SEMA4A: variants seen among roughly 807,000 people sequenced by gnomAD.
SEMA4A encodes semaphorin 4A.
Under a neutral mutation model 72.5 loss-of-function variants are expected in SEMA4A, and 52 were observed. The observed-to-expected ratio is 0.72, with a 90% CI of 0.57 to 0.90. The LOEUF (loss-of-function observed/expected upper bound fraction) is 0.90. Ranked by LOEUF, SEMA4A falls within the 40% of genes least tolerant of loss-of-function variation. The pLI is 0.00. For synonymous variants in SEMA4A, 369 were observed against 393.1 expected (o/e 0.94, Z 0.73); for missense variants, 926 against 959.7 (o/e 0.96, Z 0.46).
chr1:156,159,252 T>C (rs1271086272), intron 6 of SEMA4A, among the ~76,000 whole-genome samples: 1 of 152,024 alleles, frequency 6.6e-6, no homozygotes, highest in African/African-American at 2.4e-5. Flanking sequence ...AAGAATTGCT[T>C]GAACCCAGGA....
At chr1:156,166,314 A>C (rs1654153988) in intron 10 of SEMA4A, among the ~76,000 whole-genome samples, 1 of 152,178 alleles carries the variant, frequency 6.6e-6, no homozygotes, top group Non-Finnish European at 1.5e-5. Flanking sequence ...AAGTGCTGGG[A>C]TTACAGGTGT....
At chr1:156,174,740 T>G (rs894366979) in intron 11 of SEMA4A, 82 bp from the exon 12 acceptor site, 1 of 1,584,586 alleles carries the variant, frequency 6.3e-7, no homozygotes, top group South Asian at 1.1e-5. Flanking sequence ...GGAGCTTTCT[T>G]ACAGCTGGGG....
chr1:156,161,286 C>A, intron 8 of SEMA4A, 60 bp from the exon 9 acceptor site: 1 of 673,936 alleles, frequency 1.5e-6, no homozygotes, highest in Non-Finnish European at 1.9e-6. Flanking sequence ...GCGGGGAGGA[C>A]ACGCGGGGCT....
At position 156,173,076 on chromosome 1, in the gene SEMA4A, A is replaced by G. The variant is rs150350300; in HGVS notation, c.1315+70A>G. ...GGATGCCCCCAGGTTGAGGAGGGAAACCCTTGAGTTCATTCACTTATTCAT... is the reference window on the plus strand; with the variant it reads ...GGATGCCCCCAGGTTGAGGAGGGAAGCCCTTGAGTTCATTCACTTATTCAT... On this transcript the variant is annotated intron_variant, in intron 11 of 14. Transcript: ENST00000368285. 7.1e-3 allele frequency: 10,334 copies of G among 1,447,194 alleles called. 64 individuals carry two copies. Among genetic ancestry groups the G allele is most frequent in the Non-Finnish European group, 8.5e-3 (8,919 of 1,044,922 alleles). 89.6% of individuals were successfully genotyped at this position (1,447,194 alleles called of 1,614,324 possible).
chr1:156,175,539 T>A lies in SEMA4A; in HGVS notation c.1593-17T>A. 1 of 1,599,332 alleles carries A rather than the reference T, an allele frequency of 6.3e-7. No homozygotes were observed. Among genetic ancestry groups the A allele is most frequent in the African/African-American group, 1.3e-5 (1 of 74,724 alleles). On this transcript the variant is annotated splice_polypyrimidine_tract_variant and intron_variant, in intron 13 of 14. Coordinates refer to ENST00000368285, the MANE Select transcript of SEMA4A (RefSeq NM_022367.4). ...AGCTCTTTTGAAGGATAATTTTTAC[T>A]TTCTCTGCTCTCTTAGGAACTCCTG...
chr1:156,164,645 G>A (rs1308270116), intron 10 of SEMA4A, among the ~76,000 whole-genome samples: 1 of 152,012 alleles, frequency 6.6e-6, no homozygotes, highest in Non-Finnish European at 1.5e-5. Flanking sequence ...AGTAATTTTG[G>A]TTAGATCAAT....
chr1:156,166,243 A>T (rs1654147524), intron 10 of SEMA4A, among the ~76,000 whole-genome samples: 1 of 152,018 alleles, frequency 6.6e-6, no homozygotes, highest in Non-Finnish European at 1.5e-5. Context: ...AGGTTTCACC[A>T]TGTTGCCCAG....
Position 156,160,942 on chromosome 1 carries a change from G to A in SEMA4A, c.723G>A (p.Gln241=), listed in dbSNP as rs1451259432. 1 of 1,613,466 alleles carries A rather than the reference G, an allele frequency of 6.2e-7. No individual in the cohort carries two copies. Among genetic ancestry groups the A allele is most frequent in the Non-Finnish European group, 8.5e-7 (1 of 1,179,858 alleles). ...TTGTGGCAGCCATCCCTTCGACCCA[G>A]GTCGTCTACTTCTTCTTCGAGGAGA... ...ASFVAAIPST[Q]VVYFFFEETA... The change falls in exon 8 of 15, where the codon CAG becomes CAA. Residue 241 remains glutamine, a synonymous_variant. Transcript: ENST00000368285.
At chr1:156,159,229 G>A (rs2102950050) in intron 6 of SEMA4A, among the ~76,000 whole-genome samples, 1 of 152,214 alleles carries the variant, frequency 6.6e-6, no homozygotes, top group South Asian at 2.1e-4. Context: ...AGCTACTCGG[G>A]AGGCTGAGTC....
At chr1:156,167,852 A>G (rs1356307973) in intron 10 of SEMA4A, among the ~76,000 whole-genome samples, 1 of 152,218 alleles carries the variant, frequency 6.6e-6, no homozygotes, top group Non-Finnish European at 1.5e-5. Context: ...ATAGGATAGT[A>G]ATGATGGATT....
At chr1:156,174,327 C>A (rs1655097862) in intron 11 of SEMA4A, among the ~76,000 whole-genome samples, 1 of 152,178 alleles carries the variant, frequency 6.6e-6, no homozygotes, top group Non-Finnish European at 1.5e-5. Context: ...AAATCTCAGT[C>A]TTTGTGGAGT....
At chr1:156,154,040 A>C (rs996955666) in intron 1 of SEMA4A, among the ~76,000 whole-genome samples, 3 of 152,156 alleles carry the variant, frequency 2.0e-5, no homozygotes, top group Admixed American at 6.5e-5. Flanking sequence ...AGGCAGACTC[A>C]AACCCAGTCT....
intron 5 of SEMA4A, 88 bp from the exon 6 acceptor site, chr1:156,158,631 A>G (rs1653273806): frequency 1.5e-6 from 2 of 1,336,186 alleles, no homozygotes; most frequent in Non-Finnish European, 2.2e-6. Flanking sequence ...ATTTCCCTCT[A>G]TGTCCCTTTC....
rs1439661651 is a variant in SEMA4A at position 156,153,747 on chromosome 1, G to C, written c.-47G>C. 6.6e-6 allele frequency: 1 copy of C among 152,400 alleles called. No homozygotes were observed. Among genetic ancestry groups the C allele is most frequent in the African/African-American group, 2.4e-5 (1 of 41,462 alleles). The allele number at this position is 152,400 out of a possible 1,614,324, so 9.4% of individuals were successfully genotyped here. ...AGACACCGAGTTTCCCACTGTGGCT[G>C]GTTCAAGGGTATGTGAGGTGAGATG... On this transcript the variant is annotated 5_prime_UTR_variant, in exon 1 of 15. Transcript: ENST00000368285.
chr1:156,156,273 C>A, intron 2 of SEMA4A, 141 bp from the exon 3 acceptor site: 2 of 755,950 alleles, frequency 2.6e-6, no homozygotes, highest in East Asian at 2.7e-5. Context: ...GGAAGAACTG[C>A]TGGTGGAGGA....
At chr1:156,156,179 C>T (rs767539812) in intron 2 of SEMA4A, 13 of 533,234 alleles carry the variant, frequency 2.4e-5, no homozygotes, top group African/African-American at 1.5e-4. Flanking sequence ...CTTTATTTCC[C>T]GTCCCCATTA....
chr1:156,169,175 T>G (rs898384899), intron 10 of SEMA4A, among the ~76,000 whole-genome samples: 2 of 152,142 alleles, frequency 1.3e-5, no homozygotes, highest in African/African-American at 4.8e-5. Context: ...TAACCTCACT[T>G]CCAGAGGTTG....
At position 156,161,007 on chromosome 1, in the gene SEMA4A, C is replaced by A. The variant is rs771841800; in HGVS notation, c.788C>A (p.Ser263Ter). 1.2e-6 allele frequency: 2 copies of A among 1,610,516 alleles called. No homozygotes were observed. The highest frequency in any genetic ancestry group is 1.1e-5 in the South Asian group (1 of 90,824). Residue 263 changes from serine (S) to a stop codon, truncating the protein, a stop_gained, in exon 8 of 15, where the codon TCG becomes TAG. Transcript: ENST00000368285. LOFTEE classifies it high-confidence loss of function. ...EFDFFERLHT[S>*]RVARVCKNDV... ...GACTTCTTTGAGAGGCTCCACACAT[C>A]GCGGGTGGCTAGAGTCTGCAAGGTC...
intron 13 of SEMA4A, 73 bp downstream of exon 13, chr1:156,175,316 T>C: frequency 2.0e-6 from 3 of 1,509,426 alleles, no homozygotes; most frequent in Non-Finnish European, 2.7e-6. Context: ...GCTACTGTTC[T>C]TCCTCTCTCC....
Sources: gnomAD v4.1 joint callset for allele counts (sites outside exome capture counted in the v4.1 genomes callset) on GRCh38, gnomAD v4.1.1 for gene constraint, MANE v1.5 for transcripts, NCBI Gene and HGNC (gene_info 2026-07-23, HGNC 2026-07-21) for gene names.